The following STAB2 variants were observed in gnomAD, a reference collection of about 807,000 sequenced individuals.
STAB2 encodes the protein stabilin 2.
STAB2 carries 288 observed loss-of-function variants against 338.1 expected under a neutral mutation model. The observed-to-expected ratio is 0.85, with a 90% CI of 0.77 to 0.94. The LOEUF is 0.94. Among genes scored for constraint, STAB2 ranks in the 40% least tolerant of loss-of-function variants. The pLI, the probability that STAB2 is intolerant of heterozygous loss-of-function variation, is 0.00. For synonymous variants in STAB2, 1,202 were observed against 1,193.3 expected (o/e 1.01, Z -0.15); for missense variants, 3,141 against 3,210.1 (o/e 0.98, Z 0.52).
At chr12:103,708,309 C>A (rs1879546136) in intron 38 of STAB2, 132 bp from the exon 39 acceptor site, 1 of 834,336 alleles carries the variant, frequency 1.2e-6, no homozygotes, top group Admixed American at 2.3e-5. Context: ...TGATTCAAGA[C>A]CCCTGTTAAA....
chr12:103,682,550 C>T (rs142385908), intron 25 of STAB2, among the ~76,000 whole-genome samples: 3 of 152,198 alleles, frequency 2.0e-5, no homozygotes, highest in African/African-American at 7.2e-5. Flanking sequence ...GGATACCCCA[C>T]AGCTTGCTTA....
chr12:103,628,832 A>G (rs186335176), intron 5 of STAB2, among the ~76,000 whole-genome samples: 1 of 152,218 alleles, frequency 6.6e-6, no homozygotes, highest in Non-Finnish European at 1.5e-5. Context: ...GGACTCCACC[A>G]TATTATTTTG....
At chr12:103,651,051 C>A (rs769333685) in intron 11 of STAB2, among the ~76,000 whole-genome samples, 1 of 152,116 alleles carries the variant, frequency 6.6e-6, no homozygotes, top group South Asian at 2.1e-4. Flanking sequence ...AAATTTTAGT[C>A]TTCAGTGTGA....
At chr12:103,708,316 T>TA in intron 38 of STAB2, 125 bp from the exon 39 acceptor site, 3 of 939,426 alleles carry the variant, frequency 3.2e-6, no homozygotes, top group Non-Finnish European at 5.0e-6. Flanking sequence ...AGACCCCTGT[T>TA]AAAGACTATG....
intron 5 of STAB2, among the ~76,000 whole-genome samples, chr12:103,626,768 G>T (rs903295331): frequency 6.6e-6 from 1 of 152,178 alleles, no homozygotes; most frequent in African/African-American, 2.4e-5. Context: ...GCTCTATTAG[G>T]TGCAGTTTAT....
At chr12:103,758,022 A>G in intron 63 of STAB2, 148 bp from the exon 64 acceptor site, 1 of 1,172,906 alleles carries the variant, frequency 8.5e-7, no homozygotes, top group Non-Finnish European at 1.2e-6. Context: ...CCCACGGCGC[A>G]GGCAGAAGAC....
rs2139209770 is a variant in STAB2 at position 103,755,346 on chromosome 12, G to A, written c.6759G>A (p.Arg2253=). Residue 2253 remains arginine (R), a synonymous_variant, in exon 62 of 69, where the codon CGG becomes CGA. Transcript: ENST00000388887. ...LCSAGWLETG[R]VAYPTAFASQ... ...CAGCAGGCTGGCTGGAGACCGGGCG[G>A]GTTGCCTACCCCACAGCCTTCGCCT... 6.2e-7 allele frequency: 1 copy of A among 1,614,122 alleles called. No homozygotes were observed. Among genetic ancestry groups the A allele is most frequent in the Non-Finnish European group, 8.5e-7 (1 of 1,180,030 alleles).
intron 6 of STAB2, among the ~76,000 whole-genome samples, chr12:103,635,946 A>G (rs1488183841): frequency 1.3e-5 from 2 of 152,196 alleles, no homozygotes; most frequent in Non-Finnish European, 2.9e-5. Flanking sequence ...AGTGGTATTC[A>G]GATCTCAGCC....
intron 43 of STAB2, 94 bp downstream of exon 43, chr12:103,715,982 C>A: frequency 7.9e-7 from 1 of 1,260,710 alleles, no homozygotes; most frequent in Non-Finnish European, 1.1e-6. Context: ...GAGAACGGAC[C>A]TCTAAAGAGC....
In STAB2 at chr12:103,717,557, A is replaced by G. The variant is rs545430846; in HGVS notation, c.4612-213A>G. 3.3e-5 allele frequency among the ~76,000 whole-genome samples: 5 copies of G among 152,348 alleles called. No individual in the cohort carries two copies. In the South Asian group the frequency reaches 1.0e-3, roughly 32 times the overall value. ...TCTTAGCAACAAAGATAGGATGTGC[A>G]TGAGATCCCAGTGCTCAAGTGAAGT... On this transcript the variant is annotated intron_variant, in intron 43 of 68. Coordinates refer to ENST00000388887, the MANE Select transcript of STAB2 (RefSeq NM_017564.10).
chr12:103,732,071 G>A (rs1881677680), intron 50 of STAB2, among the ~76,000 whole-genome samples: 1 of 152,194 alleles, frequency 6.6e-6, no homozygotes, highest in Non-Finnish European at 1.5e-5. Context: ...CACTTTGGGA[G>A]GCCAAAGCAG....
intron 50 of STAB2, among the ~76,000 whole-genome samples, chr12:103,732,596 A>G (rs1219289271): frequency 3.3e-5 from 5 of 152,166 alleles, no homozygotes; most frequent in South Asian, 4.1e-4. Flanking sequence ...GCTTGAGCCC[A>G]GGAGTTTGAG....
chr12:103,761,274 C>T (rs1218881712), intron 65 of STAB2, 26 bp from the exon 66 acceptor site: 1 of 1,605,050 alleles, frequency 6.2e-7, no homozygotes, highest in South Asian at 1.1e-5. Flanking sequence ...GAGTAAAAGC[C>T]ATCAACCCTC....
chr12:103,611,063 T>C (rs1957114320), intron 3 of STAB2, among the ~76,000 whole-genome samples: 1 of 152,244 alleles, frequency 6.6e-6, no homozygotes, highest in African/African-American at 2.4e-5. Flanking sequence ...CAGTTTGTTA[T>C]AATTTCTGTT....
At chr12:103,746,755 G>T (rs781622653) in intron 58 of STAB2, 51 bp downstream of exon 58, 30 of 1,576,856 alleles carry the variant, frequency 1.9e-5, no homozygotes, top group Non-Finnish European at 2.4e-5. Context: ...TGGGAGAGGA[G>T]CAGGACTTGC....
intron 28 of STAB2, among the ~76,000 whole-genome samples, chr12:103,688,743 C>T (rs993305115): frequency 6.6e-5 from 10 of 152,318 alleles, no homozygotes; most frequent in Admixed American, 6.5e-5. Context: ...TCTGAACCCC[C>T]CATCCCAGCA....
intron 15 of STAB2, chr12:103,657,579 G>A (rs1874287598): frequency 6.6e-6 from 1 of 152,044 alleles, no homozygotes; most frequent in African/African-American, 2.4e-5. Context: ...TTTATAGCTT[G>A]AAATAAGCCT....
chr12:103,627,308 G>A (rs1273606763), intron 5 of STAB2, among the ~76,000 whole-genome samples: 1 of 152,186 alleles, frequency 6.6e-6, no homozygotes, highest in Non-Finnish European at 1.5e-5. Context: ...CCAAGGAGCT[G>A]GAAATGTGGG....
chr12:103,700,647 T>C (rs1333624530), intron 34 of STAB2, among the ~76,000 whole-genome samples: 1 of 152,220 alleles, frequency 6.6e-6, no homozygotes, highest in Non-Finnish European at 1.5e-5. Context: ...TTTGCTTCTG[T>C]ATGTGTTTGT....
Sources: gnomAD v4.1 joint callset for allele counts (sites outside exome capture counted in the v4.1 genomes callset) on GRCh38, gnomAD v4.1.1 for gene constraint, MANE v1.5 for transcripts, NCBI Gene and HGNC (gene_info 2026-07-23, HGNC 2026-07-21) for gene names.